PINX1: variants seen among roughly 807,000 people sequenced by gnomAD.
PINX1 encodes the protein PIN2/TERF1-interacting telomerase inhibitor 1.
PINX1 carries 34 observed loss-of-function variants against 25.4 expected under a neutral mutation model. The ratio of observed to expected loss-of-function variants is 1.34; its 90% CI spans 1.02 to 1.78. The LOEUF (loss-of-function observed/expected upper bound fraction) is 1.78. Among genes scored for constraint, PINX1 ranks in the 40% most tolerant of loss-of-function variants. The probability of loss-of-function intolerance (pLI) is 0.00; values close to 1 mark genes in which losing one functional copy is unlikely to be tolerated. For missense variants in PINX1, 592 were observed against 404.9 expected (o/e 1.46, Z -3.97); for synonymous variants, 197 against 147.7 (o/e 1.33, Z -2.42).
chr8:10,830,558 T>C (rs1386669276), intron 4 of PINX1, among the ~76,000 whole-genome samples: 1 of 152,196 alleles, frequency 6.6e-6, no homozygotes, highest in Non-Finnish European at 1.5e-5. Context: ...CCAAATATCT[T>C]TTGATTATTC....
intron 6 of PINX1, chr8:10,771,230 G>T (rs1290105043): frequency 6.6e-6 from 1 of 152,156 alleles, no homozygotes; most frequent in Admixed American, 6.5e-5. Flanking sequence ...TCAAAACAAA[G>T]GGATTGTGGA....
intron 6 of PINX1, among the ~76,000 whole-genome samples, chr8:10,813,415 G>C (rs1797598399): frequency 6.6e-6 from 1 of 152,130 alleles, no homozygotes; most frequent in African/African-American, 2.4e-5. Flanking sequence ...TTCCCCATGA[G>C]GAACTTAAGG....
chr8:10,808,721 T>C (rs1404273529), intron 6 of PINX1, among the ~76,000 whole-genome samples: 1 of 152,184 alleles, frequency 6.6e-6, no homozygotes, highest in Admixed American at 6.5e-5. Context: ...AAAAGATAAT[T>C]TCATCTTGGG....
chr8:10,809,480 C>T (rs1024635252), intron 6 of PINX1, among the ~76,000 whole-genome samples: 1 of 152,192 alleles, frequency 6.6e-6, no homozygotes, highest in African/African-American at 2.4e-5. Context: ...GCTTCTTACT[C>T]ACAGGGCTCA....
chr8:10,794,845 A>T (rs1037998954), intron 6 of PINX1, among the ~76,000 whole-genome samples: 2 of 152,182 alleles, frequency 1.3e-5, no homozygotes, highest in Non-Finnish European at 2.9e-5. Flanking sequence ...TAGTGACATC[A>T]ATATAACAAG....
At chr8:10,783,912 T>C (rs1801669201) in intron 6 of PINX1, among the ~76,000 whole-genome samples, 1 of 152,200 alleles carries the variant, frequency 6.6e-6, no homozygotes, top group African/African-American at 2.4e-5. Flanking sequence ...GACTAGAAAG[T>C]AGGCTCTGTT....
chr8:10,765,808 G>A lies in PINX1; in HGVS notation c.580C>T (p.Gln194Ter). Reference sequence around the variant, plus strand: ...ATGTCAGACCCTGGAACTGGAACCTGGGGCTTGTTCTTCAGTGCTGCCATC... The same window carrying A: ...ATGTCAGACCCTGGAACTGGAACCTAGGGCTTGTTCTTCAGTGCTGCCATC... Reference protein sequence around the residue: ...KRMAALKNKPQVPVPGSDISE... With the variant: ...KRMAALKNKP The change falls in exon 7 of 7, where the codon CAG (glutamine) becomes TAG (stop). Residue 194 changes from glutamine (Q) to a stop codon, truncating the protein, a stop_gained. Transcript: ENST00000314787. LOFTEE classifies it low-confidence loss of function (END_TRUNC). 6.2e-7 allele frequency: 1 copy of A among 1,613,928 alleles called. No homozygotes were observed. The highest frequency in any genetic ancestry group is 8.5e-7 in the Non-Finnish European group (1 of 1,179,888).
chr8:10,772,787 C>A (rs1027075819), intron 6 of PINX1, among the ~76,000 whole-genome samples: 2 of 152,210 alleles, frequency 1.3e-5, no homozygotes, highest in Non-Finnish European at 2.9e-5. Flanking sequence ...TTGGAAAACA[C>A]AGAAATTGTG....
At chr8:10,768,383 A>C (rs1235799655) in intron 6 of PINX1, among the ~76,000 whole-genome samples, 3 of 152,344 alleles carry the variant, frequency 2.0e-5, no homozygotes, top group African/African-American at 7.2e-5. Flanking sequence ...GGTATTAATC[A>C]CATTTTTTAT....
chr8:10,806,994 C>T (rs1802471791), intron 6 of PINX1, among the ~76,000 whole-genome samples: 1 of 152,212 alleles, frequency 6.6e-6, no homozygotes, highest in African/African-American at 2.4e-5. Flanking sequence ...TTCCAAATGG[C>T]TCTTCATTAA....
In PINX1 at chr8:10,834,737, T is replaced by C. The variant is rs776135290; in HGVS notation, c.58A>G (p.Thr20Ala). The part of the protein sequence containing the change: ...KQKWAVDPQN[T>A]AWSNDDSKFG... ...TTGGAATCGTCATTACTCCAGGCAG[T>C]GTTCTGAGGATCCACAGCCCACTTC... Residue 20 changes from threonine (T) to alanine (A), a missense_variant, in exon 2 of 7, where the codon ACT becomes GCT. Physicochemically the swap from Thr to Ala is moderately conservative, Grantham distance 58 (BLOSUM62 0). Transcript: ENST00000314787. 2 of 1,613,918 alleles carry C rather than the reference T, an allele frequency of 1.2e-6. No individual in the cohort carries two copies. The highest frequency in any genetic ancestry group is 2.2e-5 in the East Asian group (1 of 44,876).
At chr8:10,816,823 T>C (rs550219262) in intron 6 of PINX1, among the ~76,000 whole-genome samples, 31 of 117,664 alleles carry the variant, frequency 2.6e-4, no homozygotes, top group African/African-American at 1.1e-3. Flanking sequence ...GATTTTGGAA[T>C]TGGACGGACA....
intron 1 of PINX1, among the ~76,000 whole-genome samples, chr8:10,838,378 T>C (rs1173579072): frequency 3.3e-5 from 5 of 152,258 alleles, no homozygotes; most frequent in African/African-American, 1.2e-4. Context: ...AAACACTCTC[T>C]TGAAATCATG....
chr8:10,780,790 A>G (rs1249877555), intron 6 of PINX1, among the ~76,000 whole-genome samples: 1 of 152,220 alleles, frequency 6.6e-6, no homozygotes, highest in Admixed American at 6.5e-5. Flanking sequence ...CCAAAGCAAT[A>G]TACAGATTCA....
chr8:10,792,017 C>G (rs1022315201), intron 6 of PINX1, among the ~76,000 whole-genome samples: 1 of 152,170 alleles, frequency 6.6e-6, no homozygotes, highest in African/African-American at 2.4e-5. Context: ...TGGCCAGGAC[C>G]GCCCCCTCTC....
chr8:10,839,531 G>A (rs1215086745), intron 1 of PINX1, among the ~76,000 whole-genome samples: 1 of 152,202 alleles, frequency 6.6e-6, no homozygotes, highest in Non-Finnish European at 1.5e-5. Context: ...GACACTTGCG[G>A]TCTCTCTCAC....
chr8:10,795,875 T>C (rs1244736005), intron 6 of PINX1, among the ~76,000 whole-genome samples: 2 of 105,598 alleles, frequency 1.9e-5, no homozygotes, highest in South Asian at 2.9e-4. Context: ...TCCCATTTGA[T>C]TTTTTTTTTT....
chr8:10,780,502 T>TAC (rs1801551991), intron 6 of PINX1, among the ~76,000 whole-genome samples: 1 of 152,110 alleles, frequency 6.6e-6, no homozygotes, highest in African/African-American at 2.4e-5. Flanking sequence ...TATAATGCAT[T>TAC]ACATTGACTG....
chr8:10,817,662 C>T (rs140059280), intron 6 of PINX1, among the ~76,000 whole-genome samples: 41 of 152,326 alleles, frequency 2.7e-4, no homozygotes, highest in Non-Finnish European at 4.3e-4. Context: ...CAGTGTGGCA[C>T]ACAGGTCAGC....
Sources: allele counts gnomAD v4.1 joint callset (sites outside exome capture counted in the v4.1 genomes callset), GRCh38; gene constraint gnomAD v4.1.1; transcripts MANE v1.5; gene names NCBI Gene and HGNC (gene_info 2026-07-23, HGNC 2026-07-21).